KHDRBS2: variants seen among roughly 807,000 people sequenced by gnomAD.
The protein encoded by KHDRBS2 is KH RNA binding domain containing, signal transduction associated 2.
KHDRBS2 carries 26 observed loss-of-function variants against 44.3 expected under a neutral mutation model. That is an observed-to-expected ratio of 0.59 (90% CI 0.43 to 0.81). KHDRBS2 has a LOEUF of 0.81. KHDRBS2 is among the 40% of genes least tolerant of loss of function. The probability of loss-of-function intolerance (pLI) is 0.00; values close to 1 mark genes in which losing one functional copy is unlikely to be tolerated. For missense variants in KHDRBS2, 476 were observed against 433.1 expected, an observed-to-expected ratio of 1.10 and a Z score of -0.88; for synonymous variants, 194 against 151.1, an observed-to-expected ratio of 1.28 and a Z score of -2.08.
chr6:61,776,200 G>A (rs183847431), intron 6 of KHDRBS2, among the ~76,000 whole-genome samples: 1 of 147,368 alleles, frequency 6.8e-6, no homozygotes, highest in Non-Finnish European at 1.5e-5. Context: ...AGAAGAAAAC[G>A]TAGGCATTAC....
At chr6:61,859,227 T>A (rs1244032915) in intron 6 of KHDRBS2, among the ~76,000 whole-genome samples, 1 of 151,866 alleles carries the variant, frequency 6.6e-6, no homozygotes, top group African/African-American at 2.4e-5. Flanking sequence ...TGACTCCAAG[T>A]TTTTCCTCAG....
the KHDRBS2 span, among the ~76,000 whole-genome samples, chr6:61,579,774 C>A: frequency 3.5e-4 from 54 of 152,134 alleles, no homozygotes; most frequent in South Asian, 0.011. Context: ...ATGTGAAAGG[C>A]AGGCTGGGTG....
intron 3 of KHDRBS2, among the ~76,000 whole-genome samples, chr6:61,993,545 G>C (rs1176438297): frequency 6.6e-6 from 1 of 150,734 alleles, no homozygotes; most frequent in African/African-American, 2.4e-5. Context: ...TCAAAAGCCA[G>C]CTTGCCTACA....
the KHDRBS2 span, among the ~76,000 whole-genome samples, chr6:61,591,082 G>A: frequency 6.6e-6 from 1 of 152,124 alleles, no homozygotes; most frequent in Non-Finnish European, 1.5e-5. Context: ...AATGTTGCAG[G>A]ATGAGAATGA....
chr6:61,727,627 C>T (rs1329193940), intron 7 of KHDRBS2, among the ~76,000 whole-genome samples: 1 of 152,094 alleles, frequency 6.6e-6, no homozygotes, highest in Non-Finnish European at 1.5e-5. Flanking sequence ...GGGCAAAGGA[C>T]CTGAACAGAT....
At chr6:61,656,378 A>C in the KHDRBS2 span, among the ~76,000 whole-genome samples, 1 of 152,022 alleles carries the variant, frequency 6.6e-6, no homozygotes, top group African/African-American at 2.4e-5. Flanking sequence ...TTTAAGGATA[A>C]GAAGACAAAA....
intron 3 of KHDRBS2, among the ~76,000 whole-genome samples, chr6:61,986,718 G>T (rs1194142287): frequency 6.6e-6 from 1 of 152,100 alleles, no homozygotes; most frequent in African/African-American, 2.4e-5. Flanking sequence ...TCCTGGTGAG[G>T]GCTCTTTTCC....
intron 2 of KHDRBS2, among the ~76,000 whole-genome samples, chr6:62,083,877 G>A (rs1797901646): frequency 6.6e-6 from 1 of 152,132 alleles, no homozygotes; most frequent in Admixed American, 6.6e-5. Flanking sequence ...TACACTAGTT[G>A]TTTTCCAAAT....
chr6:61,983,915 A>G (rs1350979581), intron 3 of KHDRBS2, among the ~76,000 whole-genome samples: 1 of 152,162 alleles, frequency 6.6e-6, no homozygotes, highest in Non-Finnish European at 1.5e-5. Flanking sequence ...CTCTTTGTAA[A>G]CTGGGTCCTA....
At chr6:61,807,320 G>T (rs891434269) in intron 6 of KHDRBS2, among the ~76,000 whole-genome samples, 5 of 151,866 alleles carry the variant, frequency 3.3e-5, no homozygotes, top group African/African-American at 1.2e-4. Context: ...CCATTATTGG[G>T]TATATACCCA....
At chr6:61,555,127 CT>C in the KHDRBS2 span, among the ~76,000 whole-genome samples, 5 of 152,076 alleles carry the variant, frequency 3.3e-5, no homozygotes, top group African/African-American at 9.7e-5. Flanking sequence ...CTCTTCCTGT[CT>C]TTCAGGAATG....
chr6:61,824,923 A>G (rs1324593719), intron 6 of KHDRBS2, among the ~76,000 whole-genome samples: 1 of 152,182 alleles, frequency 6.6e-6, no homozygotes, highest in African/African-American at 2.4e-5. Context: ...CATGTCATTC[A>G]AATGGCTAAT....
intron 1 of KHDRBS2, among the ~76,000 whole-genome samples, chr6:62,255,555 C>T (rs1338514651): frequency 2.0e-5 from 3 of 150,060 alleles, no homozygotes; most frequent in African/African-American, 7.4e-5. Flanking sequence ...TCTGTAAATA[C>T]TATTAACAAC....
chr6:61,617,267 A>G, the KHDRBS2 span, among the ~76,000 whole-genome samples: 2 of 152,204 alleles, frequency 1.3e-5, no homozygotes, highest in Admixed American at 1.3e-4. Flanking sequence ...GAATTTAAAG[A>G]CTGATTCATA....
At chr6:61,731,404 T>A (rs1484023503) in intron 7 of KHDRBS2, among the ~76,000 whole-genome samples, 1 of 152,106 alleles carries the variant, frequency 6.6e-6, no homozygotes, top group East Asian at 1.9e-4. Context: ...ATTTCTACAG[T>A]GATAACTTAA....
At chr6:61,745,815 C>T (rs1227837839) in intron 6 of KHDRBS2, among the ~76,000 whole-genome samples, 3 of 151,970 alleles carry the variant, frequency 2.0e-5, no homozygotes, top group African/African-American at 7.2e-5. Flanking sequence ...AGTGCCTTGA[C>T]GTTGCTGCTG....
At chr6:62,273,732 T>A (rs529242514) in intron 1 of KHDRBS2, among the ~76,000 whole-genome samples, 1 of 152,154 alleles carries the variant, frequency 6.6e-6, no homozygotes, top group African/African-American at 2.4e-5. Context: ...CAGACCCAAC[T>A]CTCCACCTGC....
chr6:61,618,322 T>G, the KHDRBS2 span, among the ~76,000 whole-genome samples: 1 of 152,202 alleles, frequency 6.6e-6, no homozygotes, highest in Admixed American at 6.5e-5. Flanking sequence ...TGGAACATTC[T>G]TTAGGCCGCA....
At chr6:62,227,757 C>T (rs1229247801) in intron 1 of KHDRBS2, among the ~76,000 whole-genome samples, 1 of 151,954 alleles carries the variant, frequency 6.6e-6, no homozygotes, top group Non-Finnish European at 1.5e-5. Context: ...GTATCGAAGG[C>T]CTTTTCTGCA....
Sources: gnomAD v4.1 joint callset for allele counts (sites outside exome capture counted in the v4.1 genomes callset) on GRCh38, gnomAD v4.1.1 for gene constraint, MANE v1.5 for transcripts, NCBI Gene and HGNC (gene_info 2026-07-23, HGNC 2026-07-21) for gene names.